UBE3C: variants seen among roughly 807,000 people sequenced by gnomAD.
UBE3C encodes ubiquitin-protein ligase E3C.
UBE3C carries 42 observed loss-of-function variants against 129.4 expected under a neutral mutation model. That is an observed-to-expected ratio of 0.32 (90% CI 0.25 to 0.42). The LOEUF is 0.42. Ranked by LOEUF, UBE3C falls within the 10% of genes least tolerant of loss-of-function variation. UBE3C has a pLI of 1.00. For synonymous variants in UBE3C, 510 were observed against 492.4 expected (o/e 1.04, Z -0.47); for missense variants, 1,049 against 1,319.1 (o/e 0.80, Z 3.17).
chr7:157,264,393 A>G (rs1283632711), intron 22 of UBE3C, among the ~76,000 whole-genome samples: 2 of 107,562 alleles, frequency 1.9e-5, no homozygotes, highest in African/African-American at 3.2e-5. Flanking sequence ...GTGAGTCAAC[A>G]TGCTCGGCCT....
chr7:157,140,697 C>G (rs184920793), intron 1 of UBE3C, among the ~76,000 whole-genome samples: 1 of 152,238 alleles, frequency 6.6e-6, no homozygotes, highest in South Asian at 2.1e-4. Context: ...TACACAGCGC[C>G]GCGCGGCCTC....
At chr7:157,149,690 G>A (rs911238308) in intron 1 of UBE3C, among the ~76,000 whole-genome samples, 4 of 152,098 alleles carry the variant, frequency 2.6e-5, no homozygotes, top group Non-Finnish European at 5.9e-5. Flanking sequence ...GTCCTTAAAA[G>A]GTTGAAAAAA....
chr7:157,160,512 A>G (rs1170334449), intron 1 of UBE3C, among the ~76,000 whole-genome samples: 1 of 152,212 alleles, frequency 6.6e-6, no homozygotes, highest in East Asian at 1.9e-4. Flanking sequence ...TAGGTTAAAA[A>G]GAGTCTTTTT....
chr7:157,253,830 G>A (rs763618338), intron 19 of UBE3C, 124 bp from the exon 20 acceptor site: 9 of 950,432 alleles, frequency 9.5e-6, no homozygotes, highest in South Asian at 3.6e-5. Flanking sequence ...GTACTATTTC[G>A]TATTTAGATT....
chr7:157,161,009 G>A (rs1808053992), intron 1 of UBE3C, among the ~76,000 whole-genome samples: 2 of 152,098 alleles, frequency 1.3e-5, no homozygotes, highest in South Asian at 4.1e-4. Flanking sequence ...ACAGCATCCA[G>A]GACATGAAAG....
At chr7:157,184,699 G>A (rs921960975) in intron 9 of UBE3C, among the ~76,000 whole-genome samples, 3 of 152,162 alleles carry the variant, frequency 2.0e-5, no homozygotes, top group Admixed American at 1.3e-4. Context: ...AGGGTCTCAG[G>A]GCTTCCAGGT....
chr7:157,230,970 A>G (rs1796008530), intron 17 of UBE3C, 110 bp from the exon 18 acceptor site: 3 of 1,429,608 alleles, frequency 2.1e-6, no homozygotes, highest in South Asian at 2.7e-5. Context: ...CTATGTTAAA[A>G]TGTCCCTAAG....
chr7:157,197,549 A>T, intron 10 of UBE3C: 1 of 1,190,382 alleles, frequency 8.4e-7, no homozygotes, highest in Non-Finnish European at 1.2e-6. Context: ...TGTCCTTATT[A>T]ATACGACACA....
intron 22 of UBE3C, among the ~76,000 whole-genome samples, chr7:157,260,427 C>T (rs1796871156): frequency 6.6e-6 from 1 of 152,162 alleles, no homozygotes; most frequent in Non-Finnish European, 1.5e-5. Flanking sequence ...TGAAGCATGA[C>T]CCATGTGACC....
chr7:157,209,426 C>T (rs535498927), intron 13 of UBE3C, among the ~76,000 whole-genome samples: 18 of 152,270 alleles, frequency 1.2e-4, no homozygotes, highest in Admixed American at 2.0e-4. Flanking sequence ...TAAACTGGGA[C>T]GGTCACATGG....
chr7:157,194,777 G>A (rs898281504), intron 10 of UBE3C, among the ~76,000 whole-genome samples: 1 of 152,204 alleles, frequency 6.6e-6, no homozygotes, highest in Non-Finnish European at 1.5e-5. Flanking sequence ...GTGGCAAAAA[G>A]CTAAGCTGAA....
chr7:157,209,564 C>G (rs116016053), intron 13 of UBE3C, among the ~76,000 whole-genome samples: 1 of 152,098 alleles, frequency 6.6e-6, no homozygotes, highest in Non-Finnish European at 1.5e-5. Flanking sequence ...TGGGTGTTAA[C>G]GGTAGCATAT....
intron 22 of UBE3C, among the ~76,000 whole-genome samples, chr7:157,257,541 C>G (rs559839095): frequency 6.6e-6 from 1 of 152,038 alleles, no homozygotes; most frequent in South Asian, 2.1e-4. Flanking sequence ...TCGAGACCAG[C>G]CTGGTCAACA....
At position 157,139,376 on chromosome 7, in the gene UBE3C, C is replaced by T. The variant is rs1428533637; in HGVS notation, c.66+38C>T. 2.0e-6 allele frequency: 3 copies of T among 1,521,630 alleles called. No individual in the cohort carries two copies. In the East Asian group the frequency reaches 7.6e-5, roughly 38 times the overall value. The allele number at this position is 1,521,630 out of a possible 1,614,324, so 94.3% of individuals were successfully genotyped here. ...CTGGCGGGGCGCCCTCGGCTCGGGG[C>T]CTGCGCGGCCGGGGCTCGGGGCTGG... is the stretch of plus-strand genomic sequence containing the variant. On this transcript the variant is annotated intron_variant, in intron 1 of 22. Coordinates refer to ENST00000348165, the MANE Select transcript of UBE3C (RefSeq NM_014671.3).
intron 8 of UBE3C, among the ~76,000 whole-genome samples, chr7:157,182,690 C>T (rs1808699796): frequency 6.6e-6 from 1 of 151,562 alleles, no homozygotes; most frequent in Admixed American, 6.6e-5. Context: ...TACATACATA[C>T]ATACATGCAT....
chr7:157,143,764 G>T (rs529261018), intron 1 of UBE3C, among the ~76,000 whole-genome samples: 1 of 152,148 alleles, frequency 6.6e-6, no homozygotes, highest in Non-Finnish European at 1.5e-5. Context: ...TGTGGGACAG[G>T]CACAGGAAGG....
intron 4 of UBE3C, 123 bp downstream of exon 4, chr7:157,170,573 T>C: frequency 3.7e-6 from 4 of 1,071,808 alleles, no homozygotes; most frequent in Admixed American, 3.9e-5. Flanking sequence ...CTTTGCAAAC[T>C]TCTCAGCTAG....
chr7:157,188,759 G>A (rs572373694), intron 10 of UBE3C, among the ~76,000 whole-genome samples: 2 of 146,832 alleles, frequency 1.4e-5, no homozygotes, highest in East Asian at 4.5e-4. Context: ...GAAAGAGCAA[G>A]TAGGCTTACT....
intron 10 of UBE3C, chr7:157,188,930 G>T: frequency 1.5e-6 from 1 of 662,676 alleles, no homozygotes; most frequent in Non-Finnish European, 2.8e-6. Flanking sequence ...TTTAATTTCT[G>T]TTTAACACTG....
Sources: gnomAD v4.1 joint callset for allele counts (sites outside exome capture counted in the v4.1 genomes callset) on GRCh38, gnomAD v4.1.1 for gene constraint, MANE v1.5 for transcripts, NCBI Gene and HGNC (gene_info 2026-07-23, HGNC 2026-07-21) for gene names.